CNTNAP2: variants seen among roughly 807,000 people sequenced by gnomAD.
The protein encoded by CNTNAP2 is contactin associated protein 2.
Under a neutral mutation model 155.2 loss-of-function variants are expected in CNTNAP2, and 98 were observed. The observed-to-expected ratio is 0.63, with a 90% CI of 0.54 to 0.75. The LOEUF is 0.75. Among genes scored for constraint, CNTNAP2 ranks in the 30% least tolerant of loss-of-function variants. CNTNAP2 has a pLI of 0.00. For synonymous variants in CNTNAP2, 651 were observed against 631.2 expected, an observed-to-expected ratio of 1.03 and a Z score of -0.47; for missense variants, 1,727 against 1,688.1, an observed-to-expected ratio of 1.02 and a Z score of -0.40.
intron 1 of CNTNAP2, among the ~76,000 whole-genome samples, chr7:146,604,754 A>C (rs1159656953): frequency 7.1e-6 from 1 of 141,740 alleles, no homozygotes; most frequent in African/African-American, 2.5e-5. Flanking sequence ...ATAAAAAATG[A>C]TGAGTTCATG....
intron 1 of CNTNAP2, among the ~76,000 whole-genome samples, chr7:146,193,027 G>T (rs745535511): frequency 1.3e-5 from 2 of 152,186 alleles, no homozygotes; most frequent in Admixed American, 6.5e-5. Context: ...GCTCCAAAAT[G>T]ATCTCCTTTG....
At chr7:146,807,671 C>T (rs2129192976) in intron 2 of CNTNAP2, among the ~76,000 whole-genome samples, 1 of 152,010 alleles carries the variant, frequency 6.6e-6, no homozygotes, top group African/African-American at 2.4e-5. Context: ...AGGTCTCTTC[C>T]CATGACCTCT....
chr7:148,023,580 C>T (rs548561025), intron 15 of CNTNAP2, among the ~76,000 whole-genome samples: 3 of 152,168 alleles, frequency 2.0e-5, no homozygotes, highest in South Asian at 4.2e-4. Context: ...GGAGATGAGG[C>T]AATAAACGCT....
Position 147,044,520 on chromosome 7 carries a change from A to G in CNTNAP2, c.550+466A>G, listed in dbSNP as rs964582733. ...TATGCCTATTCCTATACTAAAGCCAATCACTGGGTTTTAAAGTCAATGACG... is the reference window on the plus strand; with the variant it reads ...TATGCCTATTCCTATACTAAAGCCAGTCACTGGGTTTTAAAGTCAATGACG... On this transcript the variant is annotated intron_variant, in intron 4 of 23. Coordinates refer to ENST00000361727, the MANE Select transcript of CNTNAP2 (RefSeq NM_014141.6). 5.3e-5 allele frequency among the ~76,000 whole-genome samples: 8 copies of G among 152,184 alleles called. No homozygotes were observed. The East Asian group carries it at 1.2e-3, about 22-fold the overall frequency.
At chr7:148,048,123 A>C (rs1585096454) in intron 15 of CNTNAP2, among the ~76,000 whole-genome samples, 7 of 148,760 alleles carry the variant, frequency 4.7e-5, no homozygotes, top group South Asian at 2.1e-4. Context: ...ACGGGGTTTC[A>C]CCCTGTGAGC....
intron 13 of CNTNAP2, among the ~76,000 whole-genome samples, chr7:147,875,557 A>G (rs1799408500): frequency 6.6e-6 from 1 of 152,122 alleles, no homozygotes; most frequent in Non-Finnish European, 1.5e-5. Flanking sequence ...AAATGCTTCC[A>G]GTGAATAGAC....
intron 19 of CNTNAP2, among the ~76,000 whole-genome samples, chr7:148,223,382 C>T (rs983413694): frequency 1.6e-4 from 25 of 152,282 alleles, no homozygotes; most frequent in African/African-American, 4.3e-4. Context: ...CTCCTGCCTA[C>T]GATCAGTACC....
intron 1 of CNTNAP2, among the ~76,000 whole-genome samples, chr7:146,464,187 GTTT>G (rs369508603): frequency 0.046 from 4,223 of 91,522 alleles, 121 homozygotes; most frequent in African/African-American, 0.12. Flanking sequence ...CTTTGAAACT[GTTT>G]TTTTTTTTTT....
At chr7:146,224,591 C>CAA (rs35333614) in intron 1 of CNTNAP2, among the ~76,000 whole-genome samples, 4,302 of 148,280 alleles carry the variant, frequency 0.029, 205 homozygotes, top group African/African-American at 0.1. Context: ...ACAAAAAATA[C>CAA]AAAAAAAAAA....
chr7:146,615,876 G>T (rs1799215556), intron 1 of CNTNAP2, among the ~76,000 whole-genome samples: 1 of 152,182 alleles, frequency 6.6e-6, no homozygotes. Context: ...ACATCGTACT[G>T]ATTCCTTGTC....
chr7:148,142,093 C>CTGTGTGTGTGTGTG lies in CNTNAP2; in HGVS notation c.2555-5370_2555-5357dup, dbSNP rs71527881. On this transcript the variant is annotated intron_variant, in intron 16 of 23. Coordinates refer to ENST00000361727, the MANE Select transcript of CNTNAP2 (RefSeq NM_014141.6). ...GGTTGTTAAGAGTAGAGATATGTCT[C>CTGTGTGTGTGTGTG]TGTGTGTGTGTGTGTGTGTGTGTGT... 2.4e-3 allele frequency among the ~76,000 whole-genome samples: 327 copies of CTGTGTGTGTGTGTG among 136,390 alleles called. 2 individuals are homozygous for CTGTGTGTGTGTGTG. Among genetic ancestry groups the CTGTGTGTGTGTGTG allele is most frequent in the South Asian group, 5.7e-3 (23 of 4,004 alleles). 89.5% of individuals were successfully genotyped at this position (136,390 alleles called of 152,430 possible). A position where few individuals can be genotyped will look rare whatever the true frequency, so the allele number is the denominator to read the frequency against.
Position 146,543,854 on chromosome 7 carries a change from C to T in CNTNAP2, c.98-230417C>T, listed in dbSNP as rs1797989860. Among the ~76,000 whole-genome samples, 3 of 151,896 alleles carry T rather than the reference C, an allele frequency of 2.0e-5. 1 individual carries two copies. In the South Asian group the frequency reaches 6.2e-4, roughly 32 times the overall value. Reference sequence around the variant, plus strand: ...TTTCCAGACAAACTTCCAGACTGGTCTCTGTCTTTAGATTCTTACTTATTT... The same window carrying T: ...TTTCCAGACAAACTTCCAGACTGGTTTCTGTCTTTAGATTCTTACTTATTT... On this transcript the variant is annotated intron_variant, in intron 1 of 23. Transcript: ENST00000361727.
chr7:146,506,885 T>C (rs575946001), intron 1 of CNTNAP2, among the ~76,000 whole-genome samples: 2 of 152,292 alleles, frequency 1.3e-5, no homozygotes, highest in East Asian at 3.9e-4. Context: ...CCATCCTGTC[T>C]ACCATGCCTC....
chr7:146,964,614 T>A (rs1299341396), intron 3 of CNTNAP2, among the ~76,000 whole-genome samples: 1 of 152,236 alleles, frequency 6.6e-6, no homozygotes, highest in Admixed American at 6.5e-5. Flanking sequence ...TATGTAGAAA[T>A]GGTTTTCCAT....
chr7:146,403,982 G>A (rs112403655), intron 1 of CNTNAP2, among the ~76,000 whole-genome samples: 4,326 of 151,258 alleles, frequency 0.029, 201 homozygotes, highest in African/African-American at 0.1. Flanking sequence ...AAAATTAGCC[G>A]GGCGTAGTGG....
intron 13 of CNTNAP2, among the ~76,000 whole-genome samples, chr7:147,874,354 T>G (rs796558170): frequency 1.3e-5 from 2 of 152,234 alleles, no homozygotes; most frequent in African/African-American, 4.8e-5. Context: ...CTCTGAAATC[T>G]AGGTGGAGGT....
At chr7:146,192,810 G>A (rs1787285232) in intron 1 of CNTNAP2, among the ~76,000 whole-genome samples, 2 of 152,116 alleles carry the variant, frequency 1.3e-5, no homozygotes, top group South Asian at 4.1e-4. Flanking sequence ...GAAATCCATA[G>A]TCCAAAGTCT....
At chr7:146,439,675 T>G (rs1223740366) in intron 1 of CNTNAP2, among the ~76,000 whole-genome samples, 3 of 151,544 alleles carry the variant, frequency 2.0e-5, no homozygotes, top group Non-Finnish European at 4.4e-5. Flanking sequence ...TTCCTTATTT[T>G]CATATATATA....
intron 13 of CNTNAP2, among the ~76,000 whole-genome samples, chr7:147,747,991 C>T (rs7799600): frequency 0.12 from 18,654 of 152,226 alleles, 3,068 homozygotes; most frequent in African/African-American, 0.37. Context: ...GCAAGTGAGG[C>T]GTCAGCAGTC....
Sources: allele counts gnomAD v4.1 joint callset (sites outside exome capture counted in the v4.1 genomes callset), GRCh38; gene constraint gnomAD v4.1.1; transcripts MANE v1.5; gene names NCBI Gene and HGNC (gene_info 2026-07-23, HGNC 2026-07-21).